Variants in ANLN observed in about 807,000 individuals in gnomAD.
ANLN encodes anillin.
Under a neutral mutation model 135.1 loss-of-function variants are expected in ANLN, and 59 were observed. The ratio of observed to expected loss-of-function variants is 0.44; its 90% CI spans 0.35 to 0.54. The LOEUF (loss-of-function observed/expected upper bound fraction) is 0.54, where lower values mean the gene tolerates loss of function less well. ANLN is among the 20% of genes least tolerant of loss of function. ANLN has a pLI of 0.00. For missense variants in ANLN, 1,182 were observed against 1,340.0 expected, an observed-to-expected ratio of 0.88 and a Z score of 1.84; for synonymous variants, 406 against 456.4, an observed-to-expected ratio of 0.89 and a Z score of 1.41.
chr7:36,406,299 G>A lies in ANLN; in HGVS notation c.606G>A (p.Leu202=). Residue 202 remains leucine, a synonymous_variant, in exon 4 of 24, where the codon CTG becomes CTA. Coordinates refer to ENST00000265748, the MANE Select transcript of ANLN (RefSeq NM_018685.5). ...SATPVGRRGR[L]ANLAATICSW... ...CTCCAGTTGGCAGAAGGGGCCGTCT[G>A]GCCAATCTTGCTGCAACTATTTGCT... 2 of 1,614,196 alleles carry A rather than the reference G, an allele frequency of 1.2e-6. No individual in the cohort carries two copies. The highest frequency in any genetic ancestry group is 1.7e-6 in the Non-Finnish European group (2 of 1,180,014).
chr7:36,443,603 ATTAAG>A, intron 21 of ANLN, 147 bp from the exon 22 acceptor site: 1 of 567,950 alleles, frequency 1.8e-6, no homozygotes, highest in Non-Finnish European at 3.1e-6. Context: ...GATTTTTATT[ATTAAG>A]ATAAAAGACA....
Position 36,424,548 on chromosome 7 carries a change from A to T in ANLN, c.2607A>T (p.Gln869His), listed in dbSNP as rs2116684373. ...ACTTAATGCTTTATTTTTCCAGGCA[A>T]GATGTATCCAATGACTTTGAAATAA... ...ALTFTTTFTL[Q>H]DVSNDFEINI... Residue 869 changes from glutamine (Q) to histidine (H), a missense_variant, in exon 16 of 24, where the codon CAA becomes CAT. Transcript: ENST00000265748. 1 of 1,596,352 alleles carries T rather than the reference A, an allele frequency of 6.3e-7. No homozygotes were observed. The highest frequency in any genetic ancestry group is 8.5e-7 in the Non-Finnish European group (1 of 1,170,562).
intron 20 of ANLN, among the ~76,000 whole-genome samples, chr7:36,428,122 T>C (rs1407296282): frequency 6.6e-6 from 1 of 152,226 alleles, no homozygotes; most frequent in Non-Finnish European, 1.5e-5. Flanking sequence ...TATGAAATGC[T>C]TTCTTTTAGT....
chr7:36,421,814 T>C, intron 12 of ANLN, 43 bp from the exon 13 acceptor site: 1 of 1,532,414 alleles, frequency 6.5e-7, no homozygotes, highest in Non-Finnish European at 8.8e-7. Context: ...AAAATGATGA[T>C]TTAAAATGTG....
rs1377470953 is a variant in ANLN at position 36,399,237 on chromosome 7, GATA to G, written c.332_334del (p.Asp111_Thr112delinsAla). ...TCCTCAGGTGCAGCCACAAGCAGCA[GATA>G]CCATCAGTGATTCTGTTGCTGTCCC... On this transcript the variant is annotated inframe_deletion, in exon 3 of 24. Transcript: ENST00000265748. 13 of 1,614,072 alleles carry G rather than the reference GATA, an allele frequency of 8.1e-6. No individual in the cohort carries two copies. Among genetic ancestry groups the G allele is most frequent in the Non-Finnish European group, 1.1e-5 (13 of 1,180,050 alleles).
intron 20 of ANLN, among the ~76,000 whole-genome samples, chr7:36,435,519 T>C (rs1227324698): frequency 1.3e-5 from 2 of 152,024 alleles, no homozygotes; most frequent in African/African-American, 4.8e-5. Context: ...TTCATTTAAG[T>C]GGAATCAAAG....
Position 36,424,217 on chromosome 7 carries a change from G to A in ANLN, c.2603+274G>A, listed in dbSNP as rs954018546. ...CCTGGACCATAGATTTTTAACATAT[G>A]CCTTAAATCTCATAATGTACTTAAC... On this transcript the variant is annotated intron_variant, in intron 15 of 23. Coordinates refer to ENST00000265748, the MANE Select transcript of ANLN (RefSeq NM_018685.5). Among the ~76,000 whole-genome samples the A allele has an allele frequency of 2.0e-5, 3 of 151,976 alleles. No homozygotes were observed. The East Asian group carries it at 5.8e-4, about 29-fold the overall frequency.
chr7:36,421,249 G>A (rs1189168748), intron 12 of ANLN, among the ~76,000 whole-genome samples: 1 of 151,918 alleles, frequency 6.6e-6, no homozygotes, highest in East Asian at 1.9e-4. Context: ...TATATTTTTA[G>A]TAGAGATGGG....
intron 20 of ANLN, among the ~76,000 whole-genome samples, chr7:36,435,848 G>C (rs1210567726): frequency 1.6e-5 from 2 of 123,544 alleles, no homozygotes; most frequent in Non-Finnish European, 3.2e-5. Flanking sequence ...ACTCCAGCCT[G>C]GGCGACAGAG....
In ANLN at chr7:36,399,129, A is replaced by G. The variant is rs1786830353; in HGVS notation, c.223A>G (p.Thr75Ala). ...SPSKKRCSDN[T>A]EVEVSNLENK... ...ATCAAAAAAACGCTGTTCTGACAAC[A>G]CTGAAGTAGAAGTTTCTAACTTGGA... The change falls in exon 3 of 24, where the codon ACT (threonine) becomes GCT (alanine). Residue 75 changes from threonine (T) to alanine (A), a missense_variant. This residue lies in a region of ANLN where 1,022 missense variants were observed against 1,134.0 expected (regional missense o/e 0.90). Coordinates refer to ENST00000265748, the MANE Select transcript of ANLN (RefSeq NM_018685.5). 2.5e-6 allele frequency: 4 copies of G among 1,614,038 alleles called. No homozygotes were observed. Among genetic ancestry groups the G allele is most frequent in the African/African-American group, 1.3e-5 (1 of 74,926 alleles).
Position 36,411,117 on chromosome 7 carries a change from G to C in ANLN, c.1346G>C (p.Ser449Thr). The C allele has an allele frequency of 1.2e-6, 2 of 1,612,224 alleles. No individual in the cohort carries two copies. The highest frequency in any genetic ancestry group is 2.2e-5 in the East Asian group (1 of 44,836). ...CGATTTGACAAGGGCAATATATGGA[G>C]TGCAGAAAAAGGCGGAAACTCAAAA... Reference protein sequence around the residue: ...RGRFDKGNIWSAEKGGNSKSK... With the variant: ...RGRFDKGNIWTAEKGGNSKSK... Residue 449 changes from serine (S) to threonine (T), a missense_variant, in exon 7 of 24, where the codon AGT becomes ACT. Ser to Thr is a moderately conservative substitution (Grantham distance 58, BLOSUM62 1). This residue lies in a region of ANLN where 1,022 missense variants were observed against 1,134.0 expected (regional missense o/e 0.90). Transcript: ENST00000265748.
intron 22 of ANLN, among the ~76,000 whole-genome samples, chr7:36,446,034 T>C (rs910124869): frequency 6.6e-6 from 1 of 152,192 alleles, no homozygotes; most frequent in African/African-American, 2.4e-5. Flanking sequence ...TATGAACTGA[T>C]TGTCTCTATA....
chr7:36,399,390 A>G lies in ANLN; in HGVS notation c.484A>G (p.Thr162Ala). ...GCGCCGTTGGGATAATGATGATATGACAGGTATGAATTGTATAGATGGTAT... is the reference window on the plus strand; with the variant it reads ...GCGCCGTTGGGATAATGATGATATGGCAGGTATGAATTGTATAGATGGTAT... Reference protein sequence around the residue: ...QRRRWDNDDMTDDIPESSLFS... With the variant: ...QRRRWDNDDMADDIPESSLFS... The change falls in exon 3 of 24, where the codon ACA becomes GCA. Residue 162 changes from threonine (T) to alanine (A), a missense_variant. This residue lies in a region of ANLN where 1,022 missense variants were observed against 1,134.0 expected (regional missense o/e 0.90). Coordinates refer to ENST00000265748, the MANE Select transcript of ANLN (RefSeq NM_018685.5). 1 of 1,604,750 alleles carries G rather than the reference A, an allele frequency of 6.2e-7. No individual in the cohort carries two copies. Among genetic ancestry groups the G allele is most frequent in the Middle Eastern group, 1.7e-4 (1 of 6,024 alleles).
chr7:36,441,705 C>G (rs983430036), intron 21 of ANLN, among the ~76,000 whole-genome samples: 1 of 152,210 alleles, frequency 6.6e-6, no homozygotes, highest in Non-Finnish European at 1.5e-5. Flanking sequence ...CCGTCCTTTT[C>G]TTATTCCTCT....
intron 1 of ANLN, among the ~76,000 whole-genome samples, chr7:36,394,686 A>G (rs1489919839): frequency 6.8e-6 from 1 of 148,060 alleles, no homozygotes; most frequent in African/African-American, 2.4e-5. Flanking sequence ...TTTCTTTTAC[A>G]TACTCAGATT....
intron 4 of ANLN, 50 bp downstream of exon 4, chr7:36,406,616 G>A: frequency 6.8e-7 from 1 of 1,460,120 alleles, no homozygotes; most frequent in South Asian, 1.5e-5. Context: ...TTTTCGTTAT[G>A]AGTGGTATAA....
intron 6 of ANLN, 100 bp downstream of exon 6, chr7:36,410,804 T>G (rs926555373): frequency 6.4e-6 from 8 of 1,258,438 alleles, no homozygotes; most frequent in Non-Finnish European, 7.7e-6. Flanking sequence ...CTGAGATAAG[T>G]AGCATCTTGG....
rs754473459 is a variant in ANLN, at chr7:36,407,925, A to G, written c.1065A>G (p.Gln355=). 1.7e-5 allele frequency: 28 copies of G among 1,613,522 alleles called. No homozygotes were observed. Among genetic ancestry groups the G allele is most frequent in the East Asian group, 1.6e-4 (7 of 44,846 alleles). ...AATTAAGTAGAGAAATTTGTCTGCA[A>G]TCTCAATCTAAAGACAAATCTACGA... is the stretch of plus-strand genomic sequence containing the variant. The part of the protein sequence containing the change: ...KGELSREICL[Q]SQSKDKSTTP... The change falls in exon 5 of 24, where the codon CAA becomes CAG. Residue 355 remains glutamine, a synonymous_variant. Coordinates refer to ENST00000265748, the MANE Select transcript of ANLN (RefSeq NM_018685.5).
At chr7:36,397,808 G>A (rs1325932107) in intron 2 of ANLN, among the ~76,000 whole-genome samples, 1 of 152,126 alleles carries the variant, frequency 6.6e-6, no homozygotes, top group Non-Finnish European at 1.5e-5. Context: ...CTACACAGGA[G>A]GCTGAGGTGG....
Sources: allele counts gnomAD v4.1 joint callset (sites outside exome capture counted in the v4.1 genomes callset), GRCh38; gene constraint gnomAD v4.1.1; regional missense constraint gnomAD v4.1.1; transcripts MANE v1.5; gene names NCBI Gene and HGNC (gene_info 2026-07-23, HGNC 2026-07-21).